Variants in ZNF30 observed in about 807,000 individuals in gnomAD.
The protein encoded by ZNF30 is zinc finger protein 30, also known as zinc finger protein 30 (KOX 28).
Under a neutral mutation model 13.2 loss-of-function variants are expected in ZNF30, and 15 were observed. That is an observed-to-expected ratio of 1.13 (90% CI 0.76 to 1.75). ZNF30 has a LOEUF of 1.75. Among genes scored for constraint, ZNF30 ranks in the 40% most tolerant of loss-of-function variants. The pLI is 0.00. For synonymous variants in ZNF30, 223 were observed against 256.6 expected (o/e 0.87, Z 1.25); for missense variants, 726 against 757.0 (o/e 0.96, Z 0.48).
chr19:34,935,504 C>A (rs1474483441), intron 4 of ZNF30, among the ~76,000 whole-genome samples: 1 of 152,116 alleles, frequency 6.6e-6, no homozygotes, highest in Non-Finnish European at 1.5e-5. Flanking sequence ...TCAAGTCAGC[C>A]TGCTATGCTT....
Position 34,944,114 on chromosome 19 carries a change from G to A in ZNF30, c.1148G>A (p.Arg383His), listed in dbSNP as rs559418833. Reference sequence around the variant, plus strand: ...AAGGAATGCGGGAGAACCTTCAGTCGTGCCTCATATCTTGTTCAACATGGA... The same window carrying A: ...AAGGAATGCGGGAGAACCTTCAGTCATGCCTCATATCTTGTTCAACATGGA... Reference protein sequence around the residue: ...GCKECGRTFSRASYLVQHGRL... With the variant: ...GCKECGRTFSHASYLVQHGRL... The change falls in exon 5 of 5, where the codon CGT becomes CAT. Residue 383 changes from arginine (R) to histidine (H), a missense_variant. Transcript: ENST00000601142. The A allele has an allele frequency of 8.7e-6, 14 of 1,613,310 alleles. No individual in the cohort carries two copies. The highest frequency in any genetic ancestry group is 8.3e-5 in the Admixed American group (5 of 59,954).
intron 4 of ZNF30, among the ~76,000 whole-genome samples, chr19:34,940,318 G>A (rs1368697277): frequency 6.6e-6 from 1 of 152,138 alleles, no homozygotes; most frequent in Non-Finnish European, 1.5e-5. Context: ...TTATCCAAAT[G>A]TACACAACTA....
rs983625606 is a variant in ZNF30, at chr19:34,926,920, G to C, written c.-361G>C. 1.0e-5 allele frequency: 4 copies of C among 398,300 alleles called. No individual in the cohort carries two copies. The highest frequency in any genetic ancestry group is 1.8e-5 in the Non-Finnish European group (4 of 225,926). The allele number at this position is 398,300 out of a possible 1,614,324, so 24.7% of individuals were successfully genotyped here. A position where few individuals can be genotyped will look rare whatever the true frequency, so the allele number is the denominator to read the frequency against. On this transcript the variant is annotated 5_prime_UTR_variant, in exon 1 of 5. Coordinates refer to ENST00000601142, the MANE Select transcript of ZNF30 (RefSeq NM_194325.3). ...TGGGCGGCCTTGTGGACTGCGCCGGGCATGCTCGGCGGTGTGACGGCTCAG... is the reference window on the plus strand; with the variant it reads ...TGGGCGGCCTTGTGGACTGCGCCGGCCATGCTCGGCGGTGTGACGGCTCAG...
upstream of ZNF30, among the ~76,000 whole-genome samples, chr19:34,924,045 G>A (rs2011988477): frequency 6.6e-6 from 1 of 152,168 alleles, no homozygotes; most frequent in Non-Finnish European, 1.5e-5. Context: ...TCAGATTCCA[G>A]CTGTAGGGTT....
intron 4 of ZNF30, among the ~76,000 whole-genome samples, chr19:34,942,140 G>A (rs190782138): frequency 5.9e-5 from 9 of 152,216 alleles, no homozygotes; most frequent in African/African-American, 1.9e-4. Flanking sequence ...ATTTTATTAC[G>A]ATTATTTCTT....
upstream of ZNF30, among the ~76,000 whole-genome samples, chr19:34,925,452 A>G (rs1325523671): frequency 6.6e-6 from 1 of 152,162 alleles, no homozygotes; most frequent in Non-Finnish European, 1.5e-5. Context: ...TGCCCCAGCC[A>G]AACTCCGCGT....
chr19:34,943,650 G>A lies in ZNF30; in HGVS notation c.684G>A (p.Gly228=). Residue 228 remains glycine, a synonymous_variant, in exon 5 of 5, where the codon GGG becomes GGA. Coordinates refer to ENST00000601142, the MANE Select transcript of ZNF30 (RefSeq NM_194325.3). ...CAGTACATAAGAGTATTCATACTGG[G>A]AAGAAACCATATGAGTGCGGGGAAT... ...QLTVHKSIHT[G]KKPYECGECG... 2 of 1,613,716 alleles carry A rather than the reference G, an allele frequency of 1.2e-6. No homozygotes were observed. Among genetic ancestry groups the A allele is most frequent in the South Asian group, 2.2e-5 (2 of 91,026 alleles).
chr19:34,943,606 AGT>A lies in ZNF30; in HGVS notation c.642_643del (p.Ser214ArgfsTer2). 3.1e-6 allele frequency: 5 copies of A among 1,613,790 alleles called. 1 individual carries two copies. Among genetic ancestry groups the A allele is most frequent in the Non-Finnish European group, 4.2e-6 (5 of 1,179,808 alleles). ...ATGTAAGCAATGTGGAAAGACTATT[AGT>A]GGTAGCTATCAACTTACAGTACATA... is the stretch of plus-strand genomic sequence containing the variant. ...LKCKQCGKTI[S>X]GSYQLTVHKS... On this transcript the variant is annotated frameshift_variant, in exon 5 of 5. Coordinates refer to ENST00000601142, the MANE Select transcript of ZNF30 (RefSeq NM_194325.3). LOFTEE classifies it low-confidence loss of function (END_TRUNC).
intron 4 of ZNF30, 94 bp downstream of exon 4, chr19:34,933,817 C>T (rs2012588682): frequency 2.4e-6 from 2 of 834,148 alleles, no homozygotes; most frequent in Non-Finnish European, 3.9e-6. Flanking sequence ...TTGGAGGTTT[C>T]CCTTCAAAGC....
chr19:34,938,496 A>G (rs1189359774), intron 4 of ZNF30, among the ~76,000 whole-genome samples: 1 of 152,070 alleles, frequency 6.6e-6, no homozygotes, highest in African/African-American at 2.4e-5. Flanking sequence ...CTCCATAATA[A>G]TCTTCACCTA....
chr19:34,944,986 A>C lies in ZNF30; in HGVS notation c.*148A>C, dbSNP rs1053426991. On this transcript the variant is annotated 3_prime_UTR_variant, in exon 5 of 5. Coordinates refer to ENST00000601142, the MANE Select transcript of ZNF30 (RefSeq NM_194325.3). Reference sequence around the variant, plus strand: ...ATTCATAATATAACTCAGAAAACATAAGAATATTCCTTTGTCATTTATAGG... The same window carrying C: ...ATTCATAATATAACTCAGAAAACATCAGAATATTCCTTTGTCATTTATAGG... 2 of 753,834 alleles carry C rather than the reference A, an allele frequency of 2.7e-6. No homozygotes were observed. The highest frequency in any genetic ancestry group is 3.5e-5 in the African/African-American group (2 of 57,276). 46.7% of individuals were successfully genotyped at this position (753,834 alleles called of 1,614,324 possible). A position where few individuals can be genotyped will look rare whatever the true frequency, so the allele number is the denominator to read the frequency against.
chr19:34,937,940 C>T (rs970096909), intron 4 of ZNF30, among the ~76,000 whole-genome samples: 7 of 152,042 alleles, frequency 4.6e-5, no homozygotes, highest in African/African-American at 1.4e-4. Context: ...GGACTACAGG[C>T]GCCTGCCACC....
At position 34,944,567 on chromosome 19, in the gene ZNF30, A is replaced by G. The variant is rs765734327; in HGVS notation, c.1601A>G (p.His534Arg). 1 of 1,614,214 alleles carries G rather than the reference A, an allele frequency of 6.2e-7. No homozygotes were observed. Among genetic ancestry groups the G allele is most frequent in the Non-Finnish European group, 8.5e-7 (1 of 1,180,032 alleles). ...TACCTTGTTCAGCATCAAAGAATTC[A>G]TACTGGGGAGAAACCCTATGAATGT... ...GSYLVQHQRI[H>R]TGEKPYECNK... The change falls in exon 5 of 5, where the codon CAT becomes CGT. Residue 534 changes from histidine to arginine, a missense_variant. Coordinates refer to ENST00000601142, the MANE Select transcript of ZNF30 (RefSeq NM_194325.3).
upstream of ZNF30, among the ~76,000 whole-genome samples, chr19:34,924,159 T>G (rs2011991540): frequency 6.6e-6 from 1 of 152,168 alleles, no homozygotes; most frequent in Non-Finnish European, 1.5e-5. Flanking sequence ...CACACAAGTC[T>G]TCACTCAAAA....
upstream of ZNF30, among the ~76,000 whole-genome samples, chr19:34,925,145 C>G (rs2012019616): frequency 6.6e-6 from 1 of 152,158 alleles, no homozygotes; most frequent in African/African-American, 2.4e-5. Flanking sequence ...ATGGCAGTGT[C>G]TAGGGGTGAA....
chr19:34,932,102 G>C, intron 3 of ZNF30, 109 bp downstream of exon 3: 1 of 1,056,274 alleles, frequency 9.5e-7, no homozygotes, highest in Non-Finnish European at 1.3e-6. Flanking sequence ...CTTGTTGCCA[G>C]AGAAATGATT....
intron 1 of ZNF30, among the ~76,000 whole-genome samples, chr19:34,928,953 A>G (rs2012281777): frequency 6.6e-6 from 1 of 152,136 alleles, no homozygotes; most frequent in African/African-American, 2.4e-5. Flanking sequence ...CTTAGAGTGT[A>G]TCTCCCCCCT....
At chr19:34,936,731 A>G (rs1332938087) in intron 4 of ZNF30, among the ~76,000 whole-genome samples, 4 of 152,076 alleles carry the variant, frequency 2.6e-5, no homozygotes, top group African/African-American at 9.7e-5. Context: ...TCCCATCTCT[A>G]TATAAAATGT....
intron 3 of ZNF30, among the ~76,000 whole-genome samples, chr19:34,933,013 T>C (rs954418573): frequency 6.6e-6 from 1 of 151,726 alleles, no homozygotes; most frequent in African/African-American, 2.4e-5. Context: ...ACTCCTGACC[T>C]CAAGTAATCT....
Sources: gnomAD v4.1 joint callset for allele counts (sites outside exome capture counted in the v4.1 genomes callset) on GRCh38, gnomAD v4.1.1 for gene constraint, MANE v1.5 for transcripts, NCBI Gene and HGNC (gene_info 2026-07-23, HGNC 2026-07-21) for gene names.